Variants in SHROOM3 observed in about 807,000 individuals in gnomAD.
SHROOM3 encodes shroom family member 3, also known as protein Shroom3.
SHROOM3 carries 47 observed loss-of-function variants against 138.6 expected under a neutral mutation model. That is an observed-to-expected ratio of 0.34 (90% CI 0.27 to 0.43). The LOEUF (loss-of-function observed/expected upper bound fraction) is 0.43. Among genes scored for constraint, SHROOM3 ranks in the 20% least tolerant of loss-of-function variants. The pLI is 1.00. For missense variants in SHROOM3, 2,491 were observed against 2,596.5 expected (o/e 0.96, Z 0.88); for synonymous variants, 1,062 against 1,063.3 (o/e 1.00, Z 0.02).
intron 2 of SHROOM3, among the ~76,000 whole-genome samples, chr4:76,594,033 G>T (rs1734331938): frequency 3.9e-5 from 6 of 152,098 alleles, no homozygotes; most frequent in Admixed American, 3.9e-4. Context: ...TCAGTGATTT[G>T]CAAAAATGCT....
chr4:76,454,918 A>G (rs1157109118), intron 1 of SHROOM3, among the ~76,000 whole-genome samples: 1 of 152,088 alleles, frequency 6.6e-6, no homozygotes, highest in Admixed American at 6.5e-5. Flanking sequence ...ATGCTATTGT[A>G]TATGGAATTT....
chr4:76,662,765 C>T (rs558172069), intron 2 of SHROOM3, among the ~76,000 whole-genome samples: 2 of 152,276 alleles, frequency 1.3e-5, no homozygotes, highest in East Asian at 1.9e-4. Flanking sequence ...TCCTGTGGTT[C>T]GAGCTACTTG....
rs1719764372 is a variant in SHROOM3, at chr4:76,697,161, C to T, written c.324-12995C>T. ...CAGGCTGGTCTCAAATTCCTGGCCT[C>T]AAGTGATCCTCCCACCTTGACCTCC... is the stretch of plus-strand genomic sequence containing the variant. On this transcript the variant is annotated intron_variant, in intron 2 of 10. Transcript: ENST00000296043. Among the ~76,000 whole-genome samples the T allele has an allele frequency of 2.0e-5, 3 of 149,544 alleles. No individual in the cohort carries two copies. In the Admixed American group the frequency reaches 2.0e-4, roughly 10 times the overall value.
At position 76,739,397 on chromosome 4, in the gene SHROOM3, T is replaced by C. The variant is rs61745983; in HGVS notation, c.1224T>C (p.Asp408=). Residue 408 remains aspartate (D), a synonymous_variant, in exon 5 of 11, where the codon GAT becomes GAC. Coordinates refer to ENST00000296043, the MANE Select transcript of SHROOM3 (RefSeq NM_020859.4). ...GGCCCAGCTCCTGGTCTAGCCTTGA[T>C]CAGAAACGGCTCTGCCGGCCTCAGG... is the stretch of plus-strand genomic sequence containing the variant. ...RERPSSWSSL[D]QKRLCRPQAN... 4,682 of 1,614,064 alleles carry C rather than the reference T, an allele frequency of 2.9e-3. 110 individuals carry two copies. In the African/African-American group the frequency reaches 0.055, roughly 19 times the overall value.
rs539572222 is a variant in SHROOM3, at chr4:76,721,310, C to CA, written c.456-9481dup. Among the ~76,000 whole-genome samples the CA allele has an allele frequency of 2.3e-3, 261 of 112,712 alleles. 1 individual carries two copies. Among genetic ancestry groups the CA allele is most frequent in the Admixed American group, 6.0e-3 (66 of 11,018 alleles). The allele number at this position is 112,712 out of a possible 152,430, so 73.9% of individuals were successfully genotyped here. On this transcript the variant is annotated intron_variant, in intron 3 of 10. Coordinates refer to ENST00000296043, the MANE Select transcript of SHROOM3 (RefSeq NM_020859.4). ...TGGGTGACAGAGCGAGACTCCGTCTCAAAAAAAAAAAAAGAATTTCTGCAG... is the reference window on the plus strand; with the variant it reads ...TGGGTGACAGAGCGAGACTCCGTCTCAAAAAAAAAAAAAAGAATTTCTGCAG...
At chr4:76,753,580 GTT>G (rs902942711) in intron 6 of SHROOM3, among the ~76,000 whole-genome samples, 1 of 152,120 alleles carries the variant, frequency 6.6e-6, no homozygotes, top group Non-Finnish European at 1.5e-5. Context: ...TCTTTTTTCT[GTT>G]TTGTTTTGTG....
At chr4:76,586,456 T>C (rs1485873243) in intron 2 of SHROOM3, 1 of 985,358 alleles carries the variant, frequency 1.0e-6, no homozygotes, top group Non-Finnish European at 1.2e-6. Flanking sequence ...TGCCTGGGCA[T>C]AGACTTCCTT....
intron 2 of SHROOM3, among the ~76,000 whole-genome samples, chr4:76,557,222 T>C (rs1226181765): frequency 1.1e-5 from 1 of 92,606 alleles, no homozygotes; most frequent in African/African-American, 4.9e-5. Flanking sequence ...TATATGTTTA[T>C]GTATACACAC....
intron 2 of SHROOM3, among the ~76,000 whole-genome samples, chr4:76,620,733 T>G (rs1157514630): frequency 2.0e-5 from 3 of 152,116 alleles, no homozygotes; most frequent in Admixed American, 6.5e-5. Context: ...TGTGGCAATG[T>G]TCAGCTCTAG....
chr4:76,608,622 A>G (rs191772946), intron 2 of SHROOM3, among the ~76,000 whole-genome samples: 42 of 94,408 alleles, frequency 4.4e-4, no homozygotes, highest in African/African-American at 1.6e-3. Flanking sequence ...TTGGACAGAG[A>G]TGGTATAGCA....
Position 76,776,271 on chromosome 4 carries a change from T to C in SHROOM3, c.5623-2538T>C, listed in dbSNP as rs192755847. On this transcript the variant is annotated intron_variant, in intron 10 of 10. Coordinates refer to ENST00000296043, the MANE Select transcript of SHROOM3 (RefSeq NM_020859.4). ...CCATTTGTCCATCTTCTTTTGAGAA[T>C]TGTCTATTAATGTCCTTTGCCCACT... Among the ~76,000 whole-genome samples the C allele has an allele frequency of 2.2e-3, 330 of 152,304 alleles. 1 individual carries two copies. The highest frequency in any genetic ancestry group is 7.7e-3 in the African/African-American group (319 of 41,572).
intron 1 of SHROOM3, among the ~76,000 whole-genome samples, chr4:76,534,164 C>G (rs1420681459): frequency 6.6e-6 from 1 of 152,092 alleles, no homozygotes; most frequent in East Asian, 1.9e-4. Flanking sequence ...GCACAAACCC[C>G]CAAGATTTCA....
intron 3 of SHROOM3, among the ~76,000 whole-genome samples, chr4:76,718,583 C>A (rs1414954392): frequency 1.3e-5 from 2 of 152,092 alleles, no homozygotes; most frequent in Non-Finnish European, 1.5e-5. Context: ...TTTCTTATTG[C>A]CTCTAATTTC....
At chr4:76,524,210 G>A (rs1438305781) in intron 1 of SHROOM3, among the ~76,000 whole-genome samples, 1 of 152,242 alleles carries the variant, frequency 6.6e-6, no homozygotes, top group African/African-American at 2.4e-5. Context: ...AGATGGGGCA[G>A]ATTGCAGATC....
At chr4:76,639,199 C>A (rs1735589933) in intron 2 of SHROOM3, among the ~76,000 whole-genome samples, 1 of 152,184 alleles carries the variant, frequency 6.6e-6, no homozygotes, top group Non-Finnish European at 1.5e-5. Flanking sequence ...CAATCCACAG[C>A]CACTTACTGA....
Position 76,772,564 on chromosome 4 carries a change from ACT to A in SHROOM3, c.5622+1669_5622+1670del, listed in dbSNP as rs565366453. ...TAGGAAAGTGACTCAGCATTTAGGA[ACT>A]CTGCAGCGCCACTCTCAGCATCTTC... On this transcript the variant is annotated intron_variant, in intron 10 of 10. Transcript: ENST00000296043. Among the ~76,000 whole-genome samples the A allele has an allele frequency of 2.9e-3, 449 of 152,230 alleles. 2 individuals are homozygous for A. The Middle Eastern group carries it at 0.037, about 13-fold the overall frequency.
chr4:76,763,632 G>A (rs1407490127), intron 9 of SHROOM3, among the ~76,000 whole-genome samples: 1 of 152,134 alleles, frequency 6.6e-6, no homozygotes, highest in Non-Finnish European at 1.5e-5. Flanking sequence ...GGGAGATGAG[G>A]CTGGAAGGGT....
intron 1 of SHROOM3, among the ~76,000 whole-genome samples, chr4:76,521,376 A>T (rs1732562301): frequency 6.6e-6 from 1 of 152,228 alleles, no homozygotes; most frequent in African/African-American, 2.4e-5. Flanking sequence ...TGTTGCTATT[A>T]CAAACATATT....
chr4:76,766,426 G>A (rs1722157665), intron 9 of SHROOM3, among the ~76,000 whole-genome samples: 1 of 152,174 alleles, frequency 6.6e-6, no homozygotes, highest in African/African-American at 2.4e-5. Flanking sequence ...GGACATTTCT[G>A]CAGAGGATGA....
Sources: gnomAD v4.1 joint callset for allele counts (sites outside exome capture counted in the v4.1 genomes callset) on GRCh38, gnomAD v4.1.1 for gene constraint, MANE v1.5 for transcripts, NCBI Gene and HGNC (gene_info 2026-07-23, HGNC 2026-07-21) for gene names.